The following ZYG11A variants were observed in gnomAD, a reference collection of about 807,000 sequenced individuals.
ZYG11A encodes the protein zyg-11 family member A, cell cycle regulator, also known as protein zyg-11 homolog A.
ZYG11A carries 62 observed loss-of-function variants against 77.2 expected under a neutral mutation model. The observed-to-expected ratio is 0.80, with a 90% confidence interval of 0.65 to 0.99. The LOEUF is 0.99. Among genes scored for constraint, ZYG11A ranks in the 50% least tolerant of loss-of-function variants. ZYG11A has a pLI of 0.00. For synonymous variants in ZYG11A, 315 were observed against 324.6 expected, an observed-to-expected ratio of 0.97 and a Z score of 0.32; for missense variants, 828 against 896.8, an observed-to-expected ratio of 0.92 and a Z score of 0.98.
chr1:52,888,830 T>C (rs1363957847), intron 13 of ZYG11A, among the ~76,000 whole-genome samples: 2 of 152,146 alleles, frequency 1.3e-5, no homozygotes, highest in African/African-American at 2.4e-5. Flanking sequence ...GTCTCTAAGA[T>C]AAGAAAGAAG....
Position 52,893,789 on chromosome 1 carries a change from G to A in ZYG11A, c.*832G>A, listed in dbSNP as rs1210914372. ...CAAATGAATAGAGGGGTGGAGAAAA[G>A]AGAAATATATTTTTTTACCTTTTTT... On this transcript the variant is annotated 3_prime_UTR_variant, in exon 14 of 14. Transcript: ENST00000371528. 1 of 142,574 alleles carries A rather than the reference G, an allele frequency of 7.0e-6. No individual in the cohort carries two copies. Among genetic ancestry groups the A allele is most frequent in the Non-Finnish European group, 1.5e-5 (1 of 65,598 alleles). 8.8% of individuals were successfully genotyped at this position (142,574 alleles called of 1,614,324 possible).
At chr1:52,878,765 C>T (rs1156787922) in intron 10 of ZYG11A, among the ~76,000 whole-genome samples, 1 of 151,784 alleles carries the variant, frequency 6.6e-6, no homozygotes, top group Non-Finnish European at 1.5e-5. Flanking sequence ...ATGGTGAAAC[C>T]CTGTCTCTAC....
intron 11 of ZYG11A, among the ~76,000 whole-genome samples, chr1:52,885,595 G>A (rs1646435648): frequency 6.6e-6 from 1 of 152,094 alleles, no homozygotes; most frequent in African/African-American, 2.4e-5. Context: ...TCTGTTAATG[G>A]GATTATGGAG....
At position 52,886,699 on chromosome 1, in the gene ZYG11A, ATTTTTTTT is replaced by A. The variant is rs386366962; in HGVS notation, c.2007-236_2007-229del. 1.1e-3 allele frequency among the ~76,000 whole-genome samples: 75 copies of A among 69,134 alleles called. No homozygotes were observed. The East Asian group carries it at 0.02, about 19-fold the overall frequency. 45.4% of individuals were successfully genotyped at this position (69,134 alleles called of 152,430 possible). A position where few individuals can be genotyped will look rare whatever the true frequency, so the allele number is the denominator to read the frequency against. On this transcript the variant is annotated intron_variant, in intron 12 of 13. Coordinates refer to ENST00000371528, the MANE Select transcript of ZYG11A (RefSeq NM_001004339.3). ...AGGCGTGTGCCACCAGGCCCAGCTAATTTTTTTTTTTTTTTTTTTTTTTTTTTTGTAGA... is the reference window on the plus strand; with the variant it reads ...AGGCGTGTGCCACCAGGCCCAGCTAATTTTTTTTTTTTTTTTTTTTGTAGA...
At chr1:52,886,021 C>T in intron 12 of ZYG11A, 127 bp downstream of exon 12, 2 of 636,596 alleles carry the variant, frequency 3.1e-6, no homozygotes, top group East Asian at 3.2e-5. Context: ...CAAGCTCCAC[C>T]TCCCGGGTTC....
chr1:52,890,249 GTTTTT>G (rs908467307), intron 13 of ZYG11A, among the ~76,000 whole-genome samples: 11 of 71,668 alleles, frequency 1.5e-4, no homozygotes, highest in African/African-American at 5.2e-4. Context: ...TTTTCTTTTA[GTTTTT>G]TTTTTTTTTT....
At chr1:52,853,235 A>G (rs945012915) in intron 1 of ZYG11A, among the ~76,000 whole-genome samples, 2 of 151,940 alleles carry the variant, frequency 1.3e-5, no homozygotes, top group African/African-American at 4.9e-5. Flanking sequence ...GGAAGAGATC[A>G]AAACTCAAAA....
At position 52,851,877 on chromosome 1, in the gene ZYG11A, A is replaced by G. The variant is rs1354107433; in HGVS notation, c.91-2588A>G. Among the ~76,000 whole-genome samples the G allele has an allele frequency of 5.9e-5, 8 of 136,494 alleles. No individual in the cohort carries two copies. The East Asian group carries it at 1.5e-3, about 26-fold the overall frequency. The allele number at this position is 136,494 out of a possible 152,430, so 89.5% of individuals were successfully genotyped here. On this transcript the variant is annotated intron_variant, in intron 1 of 13. Coordinates refer to ENST00000371528, the MANE Select transcript of ZYG11A (RefSeq NM_001004339.3). ...ATTCTGCTGCCTCAGCCTCCTGAGTAGCTGGGATTACAGGCACCCGCCACC... is the reference window on the plus strand; with the variant it reads ...ATTCTGCTGCCTCAGCCTCCTGAGTGGCTGGGATTACAGGCACCCGCCACC...
chr1:52,864,036 C>T lies in ZYG11A; in HGVS notation c.1205C>T (p.Ala402Val), dbSNP rs377187359. Reference protein sequence around the residue: ...HPLDLRVQFTASACALNLTRQ... With the variant: ...HPLDLRVQFTVSACALNLTRQ... ...TTGGATTTGCGAGTGCAGTTCACAG[C>T]CAGTGCTTGCGCTCTCAACCTAACA... Residue 402 changes from alanine (A) to valine (V), a missense_variant, in exon 5 of 14, where the codon GCC (alanine) becomes GTC (valine). Ala to Val is a moderately conservative substitution (Grantham distance 64, BLOSUM62 0). Transcript: ENST00000371528. 196 of 1,551,640 alleles carry T rather than the reference C, an allele frequency of 1.3e-4. No homozygotes were observed. The highest frequency in any genetic ancestry group is 1.6e-4 in the Non-Finnish European group (179 of 1,147,006).
intron 10 of ZYG11A, among the ~76,000 whole-genome samples, chr1:52,878,243 T>A (rs1053065783): frequency 8.5e-5 from 13 of 152,224 alleles, no homozygotes; most frequent in Non-Finnish European, 1.6e-4. Flanking sequence ...AAAGTTCTTC[T>A]GGTCTGTCTG....
chr1:52,859,415 A>G (rs1350861506), intron 3 of ZYG11A, among the ~76,000 whole-genome samples: 2 of 152,070 alleles, frequency 1.3e-5, no homozygotes, highest in African/African-American at 4.8e-5. Flanking sequence ...TGCTCACTGC[A>G]ATCTCCGCCT....
chr1:52,890,053 G>GTTTTTTTTTTTTTTTT (rs67041059), intron 13 of ZYG11A, among the ~76,000 whole-genome samples: 1 of 118,532 alleles, frequency 8.4e-6, no homozygotes, highest in Non-Finnish European at 1.7e-5. Context: ...ATCACTGCTT[G>GTTTTTTTTTTTTTTTT]TTTTTTTTTT....
chr1:52,844,420 G>A (rs1645523341), intron 1 of ZYG11A, among the ~76,000 whole-genome samples: 1 of 152,026 alleles, frequency 6.6e-6, no homozygotes, highest in African/African-American at 2.4e-5. Flanking sequence ...TTTCCTGCTT[G>A]GAATCGAAAC....
intron 1 of ZYG11A, among the ~76,000 whole-genome samples, chr1:52,844,795 C>T (rs926033929): frequency 2.0e-5 from 3 of 151,782 alleles, no homozygotes; most frequent in African/African-American, 4.8e-5. Flanking sequence ...CTTTATATTA[C>T]CTTGTGTATA....
chr1:52,881,274 T>C (rs1033122676), intron 10 of ZYG11A, 197 bp from the exon 11 acceptor site: 2 of 467,046 alleles, frequency 4.3e-6, no homozygotes, highest in Admixed American at 3.8e-5. Context: ...TAAGTACTTA[T>C]TTAGTGATTG....
chr1:52,869,456 C>A lies in ZYG11A; in HGVS notation c.1542+1679C>A, dbSNP rs1161251873. Among the ~76,000 whole-genome samples the A allele has an allele frequency of 4.0e-5, 6 of 151,260 alleles. No individual in the cohort carries two copies. The South Asian group carries it at 1.2e-3, about 31-fold the overall frequency. On this transcript the variant is annotated intron_variant, in intron 8 of 13. Coordinates refer to ENST00000371528, the MANE Select transcript of ZYG11A (RefSeq NM_001004339.3). ...GGAGTGGTGATGACTCTTAACGAGCCTGCTGCCTTCAAGCTTCTGTTTAGC... is the reference window on the plus strand; with the variant it reads ...GGAGTGGTGATGACTCTTAACGAGCATGCTGCCTTCAAGCTTCTGTTTAGC...
chr1:52,888,775 C>T (rs577394285), intron 13 of ZYG11A, among the ~76,000 whole-genome samples: 1 of 152,228 alleles, frequency 6.6e-6, no homozygotes, highest in Non-Finnish European at 1.5e-5. Context: ...GAGCCATGAT[C>T]AGGCAACTGC....
intron 5 of ZYG11A, among the ~76,000 whole-genome samples, chr1:52,865,842 G>T (rs1646015067): frequency 6.6e-6 from 1 of 152,064 alleles, no homozygotes; most frequent in Non-Finnish European, 1.5e-5. Flanking sequence ...CTCTCTGGGG[G>T]TGATAGAAGT....
chr1:52,854,996 C>T (rs908302113), intron 2 of ZYG11A, among the ~76,000 whole-genome samples: 2 of 152,000 alleles, frequency 1.3e-5, no homozygotes, highest in African/African-American at 4.8e-5. Flanking sequence ...TCCTGAGTAG[C>T]TGGGATTACA....
Sources: gnomAD v4.1 joint callset for allele counts (sites outside exome capture counted in the v4.1 genomes callset) on GRCh38, gnomAD v4.1.1 for gene constraint, MANE v1.5 for transcripts, NCBI Gene and HGNC (gene_info 2026-07-23, HGNC 2026-07-21) for gene names.